CRTAP: variants seen among roughly 807,000 people sequenced by gnomAD.
The protein encoded by CRTAP is cartilage-associated protein.
Under a neutral mutation model 42.7 loss-of-function variants are expected in CRTAP, and 33 were observed. That is an observed-to-expected ratio of 0.77 (90% confidence interval 0.59 to 1.03). CRTAP has a LOEUF of 1.03. Ranked by LOEUF, CRTAP falls within the 50% of genes least tolerant of loss-of-function variation. The pLI, the probability that CRTAP is intolerant of heterozygous loss-of-function variation, is 0.00. For missense variants in CRTAP, 613 were observed against 533.9 expected, an observed-to-expected ratio of 1.15 and a Z score of -1.46; for synonymous variants, 243 against 217.7, an observed-to-expected ratio of 1.12 and a Z score of -1.02.
rs2030726634 is a variant in CRTAP, at chr3:33,146,496, T to C, written c.*4048T>C. 1 of 152,278 alleles carries C rather than the reference T, an allele frequency of 6.6e-6. No homozygotes were observed. Among genetic ancestry groups the C allele is most frequent in the East Asian group, 1.9e-4 (1 of 5,206 alleles). 9.4% of individuals were successfully genotyped at this position (152,278 alleles called of 1,614,324 possible). A position where few individuals can be genotyped will look rare whatever the true frequency, so the allele number is the denominator to read the frequency against. ...CTGAGGGGAGGTTTGTGTACACCCATGTATTTAAAAGTGACTGACTGACTG... is the reference window on the plus strand; with the variant it reads ...CTGAGGGGAGGTTTGTGTACACCCACGTATTTAAAAGTGACTGACTGACTG... On this transcript the variant is annotated 3_prime_UTR_variant, in exon 7 of 7. Coordinates refer to ENST00000320954, the MANE Select transcript of CRTAP (RefSeq NM_006371.5).
intron 1 of CRTAP, among the ~76,000 whole-genome samples, chr3:33,119,358 A>T (rs1701385774): frequency 6.6e-6 from 1 of 152,152 alleles, no homozygotes; most frequent in Non-Finnish European, 1.5e-5. Flanking sequence ...GATGGGGGAG[A>T]TAGACGTACC....
chr3:33,123,106 C>T (rs1252013352), intron 2 of CRTAP, among the ~76,000 whole-genome samples: 3 of 152,140 alleles, frequency 2.0e-5, no homozygotes, highest in Admixed American at 6.5e-5. Flanking sequence ...CTCTTCTAAT[C>T]GAGTCTAATC....
chr3:33,122,446 T>C (rs556640667), intron 2 of CRTAP, among the ~76,000 whole-genome samples: 2 of 152,022 alleles, frequency 1.3e-5, no homozygotes, highest in Admixed American at 6.6e-5. Context: ...GCGGTCCTCA[T>C]GCCTGTAATC....
chr3:33,125,918 G>T (rs1340882173), intron 3 of CRTAP, among the ~76,000 whole-genome samples: 1 of 152,084 alleles, frequency 6.6e-6, no homozygotes, highest in African/African-American at 2.4e-5. Context: ...TCCAAATAAG[G>T]TCCATCCATT....
chr3:33,138,172 T>C (rs533504667), intron 6 of CRTAP, among the ~76,000 whole-genome samples: 11 of 152,338 alleles, frequency 7.2e-5, no homozygotes, highest in Admixed American at 2.0e-4. Context: ...TTTTGAAATT[T>C]GAATTGTGAG....
At chr3:33,142,137 T>TGTG (rs1371411587) in intron 6 of CRTAP, among the ~76,000 whole-genome samples, 1 of 152,148 alleles carries the variant, frequency 6.6e-6, no homozygotes, top group African/African-American at 2.4e-5. Flanking sequence ...AGTAGAGCTG[T>TGTG]TCACAGGCTG....
intron 3 of CRTAP, 85 bp downstream of exon 3, chr3:33,124,664 C>G: frequency 6.6e-7 from 1 of 1,504,998 alleles, no homozygotes; most frequent in Admixed American, 1.7e-5. Context: ...CTGCTAGATG[C>G]CTGGAGCAGC....
intron 1 of CRTAP, among the ~76,000 whole-genome samples, chr3:33,118,204 C>T (rs1356487405): frequency 6.6e-6 from 1 of 151,042 alleles, no homozygotes; most frequent in Non-Finnish European, 1.5e-5. Context: ...CGTGATCCAC[C>T]CACCTCGACC....
chr3:33,145,082 C>CT lies in CRTAP; in HGVS notation c.*2639dup. 6.6e-6 allele frequency: 1 copy of CT among 152,236 alleles called. No individual in the cohort carries two copies. The highest frequency in any genetic ancestry group is 1.9e-4 in the East Asian group (1 of 5,190). The allele number at this position is 152,236 out of a possible 1,614,324, so 9.4% of individuals were successfully genotyped here. A position where few individuals can be genotyped will look rare whatever the true frequency, so the allele number is the denominator to read the frequency against. The stretch of plus-strand genomic sequence containing the variant: ...TGGGGTGGAACACTCACACGTTGTG[C>CT]TTTTTCTGGGCTTCCCTTATCCCCC... On this transcript the variant is annotated 3_prime_UTR_variant, in exon 7 of 7. Coordinates refer to ENST00000320954, the MANE Select transcript of CRTAP (RefSeq NM_006371.5). This position sits in a 1 kb window ranked among gnomAD's most constrained non-coding sequence, Gnocchi z 4.3.
chr3:33,140,375 A>G (rs1459551058), intron 6 of CRTAP, among the ~76,000 whole-genome samples: 1 of 152,258 alleles, frequency 6.6e-6, no homozygotes, highest in African/African-American at 2.4e-5. Flanking sequence ...TTGAGGCTTT[A>G]GAATTGTGGA....
At position 33,142,520 on chromosome 3, in the gene CRTAP, C is replaced by T; in HGVS notation, c.*72C>T. The T allele has an allele frequency of 2.1e-6, 3 of 1,443,700 alleles. No individual in the cohort carries two copies. The highest frequency in any genetic ancestry group is 1.1e-5 in the South Asian group (1 of 87,650). The allele number at this position is 1,443,700 out of a possible 1,614,324, so 89.4% of individuals were successfully genotyped here. ...ATTCTTTGTCCTTTTCCCAACAGCC[C>T]AGGCTGTTGATACCTCAGAGCCTTC... On this transcript the variant is annotated 3_prime_UTR_variant, in exon 7 of 7. Coordinates refer to ENST00000320954, the MANE Select transcript of CRTAP (RefSeq NM_006371.5).
rs2030300304 is a variant in CRTAP at position 33,132,624 on chromosome 3, T to C, written c.992T>C (p.Met331Thr). 6.2e-7 allele frequency: 1 copy of C among 1,614,204 alleles called. No homozygotes were observed. The highest frequency in any genetic ancestry group is 2.2e-5 in the East Asian group (1 of 44,892). Residue 331 changes from methionine to threonine, a missense_variant, in exon 5 of 7, where the codon ATG (methionine) becomes ACG (threonine). Coordinates refer to ENST00000320954, the MANE Select transcript of CRTAP (RefSeq NM_006371.5). ...CTCTTTGATCAGAATGACAAGGTCA[T>C]GCAGCAGAACCTGGTGTATTACCAG... is the stretch of plus-strand genomic sequence containing the variant. Reference protein sequence around the residue: ...YLLFDQNDKVMQQNLVYYQYH... With the variant: ...YLLFDQNDKVTQQNLVYYQYH...
intron 6 of CRTAP, among the ~76,000 whole-genome samples, chr3:33,141,238 C>T (rs140391529): frequency 6.6e-6 from 1 of 152,260 alleles, no homozygotes; most frequent in East Asian, 1.9e-4. Flanking sequence ...TACCATCATC[C>T]CGCAAGTCAC....
intron 2 of CRTAP, 139 bp downstream of exon 2, chr3:33,120,632 T>C (rs781116376): frequency 1.5e-6 from 2 of 1,334,616 alleles, no homozygotes; most frequent in East Asian, 2.5e-5. Flanking sequence ...ATAGAAATGA[T>C]TGACTTTTAG....
chr3:33,122,221 G>T lies in CRTAP; in HGVS notation c.621+1728G>T, dbSNP rs547548192. On this transcript the variant is annotated intron_variant, in intron 2 of 6. Transcript: ENST00000320954. ...CCCTCACTGGAGCCCTTTTGGGGTGGCTGTGCTGCCCTCCTGTGTGATCAG... is the reference window on the plus strand; with the variant it reads ...CCCTCACTGGAGCCCTTTTGGGGTGTCTGTGCTGCCCTCCTGTGTGATCAG... 4.1e-4 allele frequency among the ~76,000 whole-genome samples: 63 copies of T among 152,112 alleles called. No homozygotes were observed. The South Asian group carries it at 5.8e-3, about 14-fold the overall frequency.
At chr3:33,137,917 A>G (rs910835402) in intron 6 of CRTAP, among the ~76,000 whole-genome samples, 21 of 152,350 alleles carry the variant, frequency 1.4e-4, no homozygotes, top group African/African-American at 5.1e-4. Context: ...TTGCATGTGA[A>G]TAGCCAGTTG....
At chr3:33,138,497 A>G (rs975020657) in intron 6 of CRTAP, among the ~76,000 whole-genome samples, 8 of 152,218 alleles carry the variant, frequency 5.3e-5, no homozygotes, top group African/African-American at 1.7e-4. Flanking sequence ...TCCAACCCCT[A>G]GTATTCAAGC....
chr3:33,143,599 C>T lies in CRTAP; in HGVS notation c.*1151C>T, dbSNP rs2030641347. 1 of 152,088 alleles carries T rather than the reference C, an allele frequency of 6.6e-6. No individual in the cohort carries two copies. Among genetic ancestry groups the T allele is most frequent in the South Asian group, 2.1e-4 (1 of 4,830 alleles). The allele number at this position is 152,088 out of a possible 1,614,324, so 9.4% of individuals were successfully genotyped here. On this transcript the variant is annotated 3_prime_UTR_variant, in exon 7 of 7. Transcript: ENST00000320954. ...CTGTGCTCATGGAGCTTACATTCTA[C>T]AGGGAGAAAGAGATAGCCAATACAT...
At position 33,118,944 on chromosome 3, in the gene CRTAP, G is replaced by A. The variant is rs60089525; in HGVS notation, c.472-1400G>A. On this transcript the variant is annotated intron_variant, in intron 1 of 6. Coordinates refer to ENST00000320954, the MANE Select transcript of CRTAP (RefSeq NM_006371.5). Reference sequence around the variant, plus strand: ...CCCTGCTGCTCTCACAGATCCCAAGGGAAACTTTTTTCCTAGCCTGGGAGA... The same window carrying A: ...CCCTGCTGCTCTCACAGATCCCAAGAGAAACTTTTTTCCTAGCCTGGGAGA... Among the ~76,000 whole-genome samples the A allele has an allele frequency of 7.9e-3, 1,200 of 152,318 alleles. 12 individuals are homozygous for A. Among genetic ancestry groups the A allele is most frequent in the African/African-American group, 0.028 (1,146 of 41,560 alleles).
Sources: gnomAD v4.1 joint callset for allele counts (sites outside exome capture counted in the v4.1 genomes callset) on GRCh38, gnomAD v4.1.1 for gene constraint, Gnocchi (gnomAD v3.1) non-coding constraint, MANE v1.5 for transcripts, NCBI Gene and HGNC (gene_info 2026-07-23, HGNC 2026-07-21) for gene names.